The following GALNT17 variants were observed in gnomAD, a reference collection of about 807,000 sequenced individuals.
GALNT17 encodes the protein polypeptide N-acetylgalactosaminyltransferase 17.
In GALNT17, 29 loss-of-function variants were observed where a neutral mutation model predicts 63.7. That is an observed-to-expected ratio of 0.46 (90% CI 0.34 to 0.62). GALNT17 has a LOEUF of 0.62. GALNT17 is among the 20% of genes least tolerant of loss of function. The probability of loss-of-function intolerance (pLI) is 0.01; values close to 1 mark genes in which losing one functional copy is unlikely to be tolerated. For missense variants in GALNT17, 603 were observed against 799.6 expected, an observed-to-expected ratio of 0.75 and a Z score of 2.97; for synonymous variants, 305 against 318.3, an observed-to-expected ratio of 0.96 and a Z score of 0.45.
At chr7:71,434,150 G>A (rs1786917205) in intron 5 of GALNT17, among the ~76,000 whole-genome samples, 1 of 152,170 alleles carries the variant, frequency 6.6e-6, no homozygotes, top group African/African-American at 2.4e-5. Context: ...CTACTTTAGA[G>A]GTTTTGGGAT....
intron 2 of GALNT17, among the ~76,000 whole-genome samples, chr7:71,357,609 G>A (rs1353170260): frequency 6.6e-6 from 1 of 152,128 alleles, no homozygotes; most frequent in Non-Finnish European, 1.5e-5. Context: ...CTTGAGTCAT[G>A]CAGATTTAAA....
intron 1 of GALNT17, among the ~76,000 whole-genome samples, chr7:71,245,690 A>C (rs924839208): frequency 1.3e-5 from 2 of 152,126 alleles, no homozygotes; most frequent in African/African-American, 4.8e-5. Flanking sequence ...AGAGATAATG[A>C]AGGTGAGTTC....
chr7:71,375,675 C>T (rs1792708700), intron 2 of GALNT17, among the ~76,000 whole-genome samples: 2 of 152,198 alleles, frequency 1.3e-5, no homozygotes. Flanking sequence ...CTCCCTGGGC[C>T]TTCCAAAGCT....
chr7:71,350,000 A>G (rs1792162712), intron 2 of GALNT17, among the ~76,000 whole-genome samples: 1 of 152,216 alleles, frequency 6.6e-6, no homozygotes, highest in African/African-American at 2.4e-5. Flanking sequence ...TAGAAACATA[A>G]TTCTAAATAA....
chr7:71,140,297 G>A (rs1003213465), intron 1 of GALNT17, among the ~76,000 whole-genome samples: 1 of 152,196 alleles, frequency 6.6e-6, no homozygotes, highest in African/African-American at 2.4e-5. Context: ...CTGGGTTATG[G>A]AAGGCTTGGT....
chr7:71,443,871 C>T (rs1583958338), intron 5 of GALNT17, among the ~76,000 whole-genome samples: 2 of 152,210 alleles, frequency 1.3e-5, no homozygotes, highest in East Asian at 1.9e-4. Flanking sequence ...ACTACAGGCG[C>T]CTGCCACCAC....
At chr7:71,358,394 C>A (rs1459834440) in intron 2 of GALNT17, among the ~76,000 whole-genome samples, 1 of 152,110 alleles carries the variant, frequency 6.6e-6, no homozygotes. Context: ...GATTCTGTCT[C>A]AAAAAATAAA....
intron 6 of GALNT17, among the ~76,000 whole-genome samples, chr7:71,629,767 A>T (rs1790428746): frequency 6.6e-6 from 1 of 152,184 alleles, no homozygotes; most frequent in South Asian, 2.1e-4. Flanking sequence ...AGCAGGCACA[A>T]GCCACCATGC....
intron 5 of GALNT17, among the ~76,000 whole-genome samples, chr7:71,506,356 T>G (rs1431989277): frequency 6.6e-6 from 1 of 152,128 alleles, no homozygotes; most frequent in Non-Finnish European, 1.5e-5. Flanking sequence ...AGCCTCCGCC[T>G]TCTGGGTTCA....
intron 9 of GALNT17, among the ~76,000 whole-genome samples, chr7:71,692,515 G>A (rs1023609305): frequency 2.6e-5 from 4 of 152,006 alleles, no homozygotes; most frequent in Non-Finnish European, 5.9e-5. Context: ...TCAGCAGAGC[G>A]ATGCAGAACT....
chr7:71,406,123 T>A (rs962774903), intron 3 of GALNT17, among the ~76,000 whole-genome samples: 1 of 152,126 alleles, frequency 6.6e-6, no homozygotes, highest in Non-Finnish European at 1.5e-5. Context: ...TGTTCTGGAG[T>A]GTTTCCTGAT....
chr7:71,587,397 C>G (rs1204671057), intron 6 of GALNT17, among the ~76,000 whole-genome samples: 2 of 152,106 alleles, frequency 1.3e-5, no homozygotes, highest in African/African-American at 4.8e-5. Context: ...GGAGGATGAG[C>G]ACCTTTTTTT....
chr7:71,152,925 C>T (rs1432762725), intron 1 of GALNT17, among the ~76,000 whole-genome samples: 1 of 152,040 alleles, frequency 6.6e-6, no homozygotes, highest in Non-Finnish European at 1.5e-5. Context: ...GAGCCACGCC[C>T]CAGTTCACGT....
chr7:71,283,977 G>C (rs1372285571), intron 1 of GALNT17: 1 of 151,848 alleles, frequency 6.6e-6, no homozygotes, highest in Admixed American at 6.6e-5. Flanking sequence ...TCAGCACTCT[G>C]TATAATGGAC....
At chr7:71,238,494 G>C (rs1009972999) in intron 1 of GALNT17, among the ~76,000 whole-genome samples, 1 of 152,008 alleles carries the variant, frequency 6.6e-6, no homozygotes, top group Non-Finnish European at 1.5e-5. Context: ...CAAAGTGTTG[G>C]GGTTACAGGC....
intron 2 of GALNT17, among the ~76,000 whole-genome samples, chr7:71,340,929 T>A (rs982953729): frequency 2.0e-5 from 3 of 152,062 alleles, no homozygotes; most frequent in Admixed American, 2.0e-4. Flanking sequence ...TTCCAGCTAC[T>A]TGGGAGGCTG....
In GALNT17 at chr7:71,596,452, G is replaced by A. The variant is rs117862991; in HGVS notation, c.1080+25050G>A. Among the ~76,000 whole-genome samples the A allele has an allele frequency of 3.0e-3, 451 of 152,202 alleles. 4 individuals are homozygous for A. Among genetic ancestry groups the A allele is most frequent in the Non-Finnish European group, 5.1e-3 (348 of 68,034 alleles). On this transcript the variant is annotated intron_variant, in intron 6 of 10. Coordinates refer to ENST00000333538, the MANE Select transcript of GALNT17 (RefSeq NM_022479.3). ...AGAGTTAAAGGATTATCGATAAACA[G>A]TGCAAAGTACCTGCAAAGACAGAGG...
chr7:71,711,475 C>G (rs1791790655), intron 10 of GALNT17, among the ~76,000 whole-genome samples: 1 of 151,428 alleles, frequency 6.6e-6, no homozygotes, highest in African/African-American at 2.4e-5. Flanking sequence ...GATAGTTAAG[C>G]CTCTCTCTCT....
At chr7:71,366,914 G>T (rs1432355278) in intron 2 of GALNT17, among the ~76,000 whole-genome samples, 1 of 152,052 alleles carries the variant, frequency 6.6e-6, no homozygotes, top group Non-Finnish European at 1.5e-5. Context: ...TATTACAGAG[G>T]TTGATCATCT....
Sources: allele counts gnomAD v4.1 joint callset (sites outside exome capture counted in the v4.1 genomes callset), GRCh38; gene constraint gnomAD v4.1.1; transcripts MANE v1.5; gene names NCBI Gene and HGNC (gene_info 2026-07-23, HGNC 2026-07-21).